Variants in SORBS3 observed in about 807,000 individuals in gnomAD.
SORBS3 encodes the protein vinexin.
Under a neutral mutation model 98.0 loss-of-function variants are expected in SORBS3, and 69 were observed. The observed-to-expected ratio is 0.70, with a 90% CI of 0.58 to 0.86. The LOEUF (loss-of-function observed/expected upper bound fraction) is 0.86. Among genes scored for constraint, SORBS3 ranks in the 40% least tolerant of loss-of-function variants. The pLI is 0.00. For synonymous variants in SORBS3, 394 were observed against 355.4 expected (o/e 1.11, Z -1.22); for missense variants, 954 against 908.5 (o/e 1.05, Z -0.64).
upstream of SORBS3, among the ~76,000 whole-genome samples, chr8:22,547,954 G>C (rs1399806510): frequency 6.6e-6 from 1 of 152,204 alleles, no homozygotes; most frequent in Non-Finnish European, 1.5e-5. Context: ...TGAGAACCCA[G>C]AATAGATGCC....
chr8:22,559,888 G>A (rs1840258385), intron 5 of SORBS3, among the ~76,000 whole-genome samples: 1 of 151,666 alleles, frequency 6.6e-6, no homozygotes, highest in African/African-American at 2.4e-5. Context: ...CCAACATGGC[G>A]AAACCCTGTC....
At chr8:22,556,674 C>T (rs1397147791) in intron 3 of SORBS3, 41 bp from the exon 4 acceptor site, 10 of 1,581,104 alleles carry the variant, frequency 6.3e-6, no homozygotes, top group Non-Finnish European at 8.7e-6. Context: ...CAGGTGGAGA[C>T]CCCTGCCTTT....
chr8:22,559,756 C>T (rs1187432754), intron 5 of SORBS3, among the ~76,000 whole-genome samples: 1 of 151,572 alleles, frequency 6.6e-6, no homozygotes, highest in East Asian at 1.9e-4. Flanking sequence ...CACATGTTCC[C>T]TCTGAGTGAA....
Position 22,574,901 on chromosome 8 carries a change from T to G in SORBS3, c.*173T>G. 1 of 699,144 alleles carries G rather than the reference T, an allele frequency of 1.4e-6. No individual in the cohort carries two copies. The highest frequency in any genetic ancestry group is 2.6e-6 in the Non-Finnish European group (1 of 386,290). The allele number at this position is 699,144 out of a possible 1,614,324, so 43.3% of individuals were successfully genotyped here. A position where few individuals can be genotyped will look rare whatever the true frequency, so the allele number is the denominator to read the frequency against. On this transcript the variant is annotated 3_prime_UTR_variant, in exon 21 of 21. Transcript: ENST00000240123. ...CCCCCCTCGAAGCCCCCTGGACTGA[T>G]TCCCACCCACGACTCACAGGCATTC...
At chr8:22,551,888 C>T, upstream of SORBS3, 2 of 985,340 alleles carry the variant, frequency 2.0e-6, no homozygotes, top group Non-Finnish European at 2.4e-6. The surrounding 1 kb of genome is among the most constrained non-coding windows in gnomAD (Gnocchi z 5.8). Flanking sequence ...CGTCCTGACC[C>T]GGTCACGAGG....
At chr8:22,563,105 C>G (rs1423771324) in intron 7 of SORBS3, among the ~76,000 whole-genome samples, 2 of 150,802 alleles carry the variant, frequency 1.3e-5, no homozygotes, top group African/African-American at 4.9e-5. Context: ...GGCGACAGAG[C>G]GAGACTCCGT....
intron 20 of SORBS3, among the ~76,000 whole-genome samples, chr8:22,574,177 C>CCT (rs1554551794): frequency 6.6e-6 from 1 of 152,178 alleles, no homozygotes; most frequent in African/African-American, 2.4e-5. Flanking sequence ...GGGTTCCCCC[C>CCT]CCTCCTCCTC....
intron 17 of SORBS3, among the ~76,000 whole-genome samples, chr8:22,570,350 C>G (rs996820009): frequency 6.6e-6 from 1 of 152,150 alleles, no homozygotes; most frequent in Non-Finnish European, 1.5e-5. Flanking sequence ...CCCTGCCTGT[C>G]CTGGGGAGTG....
chr8:22,546,460 C>G (rs1840016998), intron 1 of SORBS3, among the ~76,000 whole-genome samples: 2 of 152,148 alleles, frequency 1.3e-5, no homozygotes, highest in South Asian at 2.1e-4. Context: ...TTTCGTCTCT[C>G]CAGCCCTTTC....
Position 22,574,908 on chromosome 8 carries a change from C to T in SORBS3, c.*180C>T, listed in dbSNP as rs1354021763. Reference sequence around the variant, plus strand: ...CGAAGCCCCCTGGACTGATTCCCACCCACGACTCACAGGCATTCCTCCCAC... The same window carrying T: ...CGAAGCCCCCTGGACTGATTCCCACTCACGACTCACAGGCATTCCTCCCAC... On this transcript the variant is annotated 3_prime_UTR_variant, in exon 21 of 21. Coordinates refer to ENST00000240123, the MANE Select transcript of SORBS3 (RefSeq NM_005775.5). The T allele has an allele frequency of 1.4e-6, 1 of 700,560 alleles. No individual in the cohort carries two copies. Among genetic ancestry groups the T allele is most frequent in the South Asian group, 1.5e-5 (1 of 67,740 alleles). 43.4% of individuals were successfully genotyped at this position (700,560 alleles called of 1,614,324 possible). A position where few individuals can be genotyped will look rare whatever the true frequency, so the allele number is the denominator to read the frequency against.
Position 22,572,450 on chromosome 8 carries a change from T to C in SORBS3, c.1954+4T>C. On this transcript the variant is annotated splice_donor_region_variant and intron_variant, in intron 20 of 20. Transcript: ENST00000240123. ...TGTGACGATGGCTGGTTTGTGGGTA[T>C]GTGGGCAGGCCGGGAGGGGGCATCT... 1 of 1,611,314 alleles carries C rather than the reference T, an allele frequency of 6.2e-7. No individual in the cohort carries two copies. The highest frequency in any genetic ancestry group is 8.5e-7 in the Non-Finnish European group (1 of 1,177,850).
At chr8:22,574,260 G>A (rs1200149256) in intron 20 of SORBS3, among the ~76,000 whole-genome samples, 1 of 152,168 alleles carries the variant, frequency 6.6e-6, no homozygotes, top group African/African-American at 2.4e-5. Flanking sequence ...GCGTCGGGGT[G>A]CTCTCGGGCA....
At chr8:22,563,152 A>G (rs981719384) in intron 7 of SORBS3, among the ~76,000 whole-genome samples, 2 of 152,110 alleles carry the variant, frequency 1.3e-5, no homozygotes, top group African/African-American at 2.4e-5. Flanking sequence ...CTGCTTCCTT[A>G]GGTTAGGAAT....
intron 18 of SORBS3, among the ~76,000 whole-genome samples, 176 bp downstream of exon 18, chr8:22,571,397 C>T (rs1050740432): frequency 1.3e-5 from 2 of 152,056 alleles, no homozygotes; most frequent in Non-Finnish European, 2.9e-5. Context: ...CTCAACCTAC[C>T]GAGCTCTAGC....
chr8:22,547,087 A>G (rs1459112484), upstream of SORBS3, among the ~76,000 whole-genome samples: 1 of 152,228 alleles, frequency 6.6e-6, no homozygotes, highest in Non-Finnish European at 1.5e-5. Context: ...CTAATTTCCA[A>G]TAAGCTGAGT....
In SORBS3 at chr8:22,570,931, C is replaced by T. The variant is rs143925477; in HGVS notation, c.1453C>T (p.Arg485Cys). The change falls in exon 18 of 21, where the codon CGC (arginine) becomes TGC (cysteine). Residue 485 changes from arginine to cysteine, a missense_variant. Transcript: ENST00000240123. ...TCAGGGAGAGCACATCTGCCTGATC[C>T]GCAAGGTGAACGAGAACTGGTACGA... ...FRKGEHICLIRKVNENWYEGR... is the reference protein window; with the variant it reads ...FRKGEHICLICKVNENWYEGR... The T allele has an allele frequency of 4.7e-5, 76 of 1,606,006 alleles. No individual in the cohort carries two copies. Among genetic ancestry groups the T allele is most frequent in the Non-Finnish European group, 5.6e-5 (66 of 1,174,672 alleles).
intron 17 of SORBS3, among the ~76,000 whole-genome samples, chr8:22,569,971 G>A (rs1176194527): frequency 3.9e-5 from 6 of 152,188 alleles, no homozygotes; most frequent in Admixed American, 3.3e-4. Flanking sequence ...CATGCGTTGC[G>A]AGCAGAAAGC....
At chr8:22,552,358 G>T (rs1840098684) in intron 1 of SORBS3, among the ~76,000 whole-genome samples, 1 of 152,228 alleles carries the variant, frequency 6.6e-6, no homozygotes, top group African/African-American at 2.4e-5. Flanking sequence ...CTGGCTGCCT[G>T]CCTGGAGGGG....
upstream of SORBS3, chr8:22,549,897 G>T: frequency 1.4e-6 from 1 of 733,686 alleles, no homozygotes; most frequent in Non-Finnish European, 1.7e-6. Context: ...TATTTATCTT[G>T]GAGTCCAGGT....
Sources: allele counts gnomAD v4.1 joint callset (sites outside exome capture counted in the v4.1 genomes callset), GRCh38; gene constraint gnomAD v4.1.1; non-coding constraint Gnocchi (gnomAD v3.1); transcripts MANE v1.5; gene names NCBI Gene and HGNC (gene_info 2026-07-23, HGNC 2026-07-21).